The following PLPP4 variants were observed in gnomAD, a reference collection of about 807,000 sequenced individuals.
The protein encoded by PLPP4 is diacylglycerol pyrophosphate like 2.
In PLPP4, 20 loss-of-function variants were observed where a neutral mutation model predicts 32.2. The observed-to-expected ratio is 0.62, with a 90% CI of 0.44 to 0.90. The LOEUF is 0.90. PLPP4 is among the 40% of genes least tolerant of loss of function. PLPP4 has a pLI of 0.00. For synonymous variants in PLPP4, 127 were observed against 133.0 expected (o/e 0.95, Z 0.31); for missense variants, 257 against 353.1 (o/e 0.73, Z 2.18).
chr10:120,519,029 T>C (rs1846047457), intron 4 of PLPP4, 133 bp downstream of exon 4: 1 of 538,648 alleles, frequency 1.9e-6, no homozygotes, highest in Non-Finnish European at 3.2e-6. Flanking sequence ...CCTTCTGAGA[T>C]TTCCATCCTT....
At chr10:120,537,503 C>G (rs77664993) in intron 5 of PLPP4, among the ~76,000 whole-genome samples, 1 of 152,122 alleles carries the variant, frequency 6.6e-6, no homozygotes. Flanking sequence ...TTGAACTCAT[C>G]AAAGCAGAGA....
At chr10:120,503,370 G>A (rs888310611) in intron 1 of PLPP4, among the ~76,000 whole-genome samples, 1 of 152,106 alleles carries the variant, frequency 6.6e-6, no homozygotes, top group African/African-American at 2.4e-5. Flanking sequence ...TTTTTCTCTT[G>A]GCAGTGACTG....
At chr10:120,541,705 A>C (rs923081442) in intron 5 of PLPP4, among the ~76,000 whole-genome samples, 4 of 152,186 alleles carry the variant, frequency 2.6e-5, no homozygotes, top group African/African-American at 9.6e-5. Context: ...TTCAAAGCAA[A>C]AATAAAAAAT....
chr10:120,572,921 G>A (rs185866860), intron 5 of PLPP4, among the ~76,000 whole-genome samples: 91 of 152,296 alleles, frequency 6.0e-4, no homozygotes, highest in African/African-American at 2.1e-3. Context: ...GCTGGGCCAT[G>A]CAGTTTCTTC....
At chr10:120,527,671 G>A (rs1346472335) in intron 5 of PLPP4, among the ~76,000 whole-genome samples, 1 of 152,104 alleles carries the variant, frequency 6.6e-6, no homozygotes, top group South Asian at 2.1e-4. Flanking sequence ...TCGTTGTAGA[G>A]GAATCATTTT....
At chr10:120,512,531 G>C (rs1664291368) in intron 2 of PLPP4, among the ~76,000 whole-genome samples, 1 of 152,160 alleles carries the variant, frequency 6.6e-6, no homozygotes, top group Non-Finnish European at 1.5e-5. Flanking sequence ...GAGATAATTT[G>C]AGCTCTAGCA....
At chr10:120,459,335 A>G (rs1321713047) in intron 1 of PLPP4, among the ~76,000 whole-genome samples, 2 of 152,196 alleles carry the variant, frequency 1.3e-5, no homozygotes, top group Non-Finnish European at 2.9e-5. Context: ...TTTTACCTGC[A>G]AAAACCAGCT....
chr10:120,491,978 T>G (rs1423946635), intron 1 of PLPP4, among the ~76,000 whole-genome samples: 1 of 152,220 alleles, frequency 6.6e-6, no homozygotes, highest in Non-Finnish European at 1.5e-5. Flanking sequence ...GGTATACAAA[T>G]TTTTGGAAAT....
chr10:120,485,364 T>C (rs1442261751), intron 1 of PLPP4, among the ~76,000 whole-genome samples: 2 of 152,222 alleles, frequency 1.3e-5, no homozygotes, highest in Non-Finnish European at 1.5e-5. Context: ...AGCCTCTGCA[T>C]TAGGACTGGA....
chr10:120,480,357 G>A (rs1844140488), intron 1 of PLPP4, among the ~76,000 whole-genome samples: 1 of 152,162 alleles, frequency 6.6e-6, no homozygotes, highest in Non-Finnish European at 1.5e-5. Context: ...GGCTGTCCAG[G>A]GCCATGCCTC....
intron 5 of PLPP4, among the ~76,000 whole-genome samples, chr10:120,522,942 C>G (rs577965718): frequency 6.6e-6 from 1 of 152,334 alleles, no homozygotes; most frequent in East Asian, 1.9e-4. Context: ...AAGTTCAGAT[C>G]TGGAGATGAG....
At chr10:120,487,975 C>T (rs1004542093) in intron 1 of PLPP4, among the ~76,000 whole-genome samples, 1 of 152,164 alleles carries the variant, frequency 6.6e-6, no homozygotes, top group Non-Finnish European at 1.5e-5. Flanking sequence ...CAGGAGAGGG[C>T]AGGGGAACTA....
chr10:120,474,355 T>C (rs1225422788), intron 1 of PLPP4, among the ~76,000 whole-genome samples: 2 of 152,226 alleles, frequency 1.3e-5, no homozygotes, highest in East Asian at 3.8e-4. Flanking sequence ...ATGACCTCAC[T>C]TTGTCTATCT....
At chr10:120,586,687 T>C (rs1323802582) in intron 6 of PLPP4, among the ~76,000 whole-genome samples, 2 of 152,216 alleles carry the variant, frequency 1.3e-5, no homozygotes, top group African/African-American at 4.8e-5. Flanking sequence ...AACATAATTA[T>C]GCTGTGAGCA....
Position 120,457,330 on chromosome 10 carries a change from G to C in PLPP4, c.25G>C (p.Gly9Arg), listed in dbSNP as rs1258751427. MRELAIEIGVRALLFGVFV... is the reference protein window; with the variant it reads MRELAIEIRVRALLFGVFV... The stretch of plus-strand genomic sequence containing the variant: ...CATGCGGGAGCTGGCCATTGAGATC[G>C]GGGTGCGAGCCCTGCTCTTCGGAGT... The change falls in exon 1 of 7, where the codon GGG becomes CGG. Residue 9 changes from glycine (G) to arginine (R), a missense_variant. Physicochemically the swap from Gly to Arg is moderately radical, Grantham distance 125. Transcript: ENST00000398250. The C allele has an allele frequency of 3.3e-6, 5 of 1,534,190 alleles. No individual in the cohort carries two copies. Among genetic ancestry groups the C allele is most frequent in the Non-Finnish European group, 4.4e-6 (5 of 1,139,304 alleles).
intron 1 of PLPP4, among the ~76,000 whole-genome samples, chr10:120,459,175 G>T (rs1847928153): frequency 6.6e-6 from 1 of 152,216 alleles, no homozygotes; most frequent in South Asian, 2.1e-4. Flanking sequence ...TCATGTAAAA[G>T]CTGGACAGGC....
chr10:120,563,116 A>G (rs1337904445), intron 5 of PLPP4, among the ~76,000 whole-genome samples: 1 of 152,132 alleles, frequency 6.6e-6, no homozygotes, highest in Non-Finnish European at 1.5e-5. Flanking sequence ...GCAGATACCT[A>G]TAATCCCAGC....
At chr10:120,514,693 A>G (rs936336827) in intron 3 of PLPP4, among the ~76,000 whole-genome samples, 8 of 152,190 alleles carry the variant, frequency 5.3e-5, no homozygotes, top group African/African-American at 1.7e-4. Context: ...TGACAGCATT[A>G]AGAGATAGCC....
intron 2 of PLPP4, among the ~76,000 whole-genome samples, chr10:120,510,140 C>T (rs1042388535): frequency 1.6e-4 from 24 of 152,102 alleles, no homozygotes; most frequent in African/African-American, 5.6e-4. Context: ...AGACTATAGT[C>T]CTTAGTAAGT....
Sources: allele counts gnomAD v4.1 joint callset (sites outside exome capture counted in the v4.1 genomes callset), GRCh38; gene constraint gnomAD v4.1.1; transcripts MANE v1.5; gene names NCBI Gene and HGNC (gene_info 2026-07-23, HGNC 2026-07-21).